Variants in FAM193A observed in about 807,000 individuals in gnomAD.
The protein encoded by FAM193A is protein FAM193A.
FAM193A carries 22 observed loss-of-function variants against 126.5 expected under a neutral mutation model. The observed-to-expected ratio is 0.17, with a 90% CI of 0.12 to 0.25. The LOEUF is 0.25. Among genes scored for constraint, FAM193A ranks in the 10% least tolerant of loss-of-function variants. The pLI is 1.00. For synonymous variants in FAM193A, 761 were observed against 646.8 expected (o/e 1.18, Z -2.68); for missense variants, 1,675 against 1,672.8 (o/e 1.00, Z -0.02).
chr4:2,696,192 T>C (rs1299109119), intron 17 of FAM193A, 171 bp from the exon 18 acceptor site: 1 of 560,548 alleles, frequency 1.8e-6, no homozygotes, highest in East Asian at 3.0e-5. Flanking sequence ...CACTTTTGGG[T>C]GACTTGCTGA....
chr4:2,709,362 C>A (rs1718663005), intron 19 of FAM193A, among the ~76,000 whole-genome samples: 2 of 151,956 alleles, frequency 1.3e-5, no homozygotes, highest in Admixed American at 1.3e-4. Flanking sequence ...CGTTTTTGTT[C>A]TGTCTGTATT....
chr4:2,656,872 C>G (rs1042004781), intron 7 of FAM193A, among the ~76,000 whole-genome samples: 2 of 152,132 alleles, frequency 1.3e-5, no homozygotes, highest in African/African-American at 4.8e-5. Context: ...AGTTTAAAAA[C>G]AATCTTCTGG....
chr4:2,642,970 C>A (rs754295517), intron 6 of FAM193A, among the ~76,000 whole-genome samples: 5 of 151,986 alleles, frequency 3.3e-5, no homozygotes, highest in South Asian at 2.1e-4. Context: ...TGCCCTAGTT[C>A]TGGATTTTCC....
At chr4:2,710,851 C>CTT (rs35045989) in intron 19 of FAM193A, among the ~76,000 whole-genome samples, 1,203 of 116,268 alleles carry the variant, frequency 0.01, 38 homozygotes, top group East Asian at 0.04. Context: ...TCTGTGCTTT[C>CTT]TTTTTTTTTT....
At chr4:2,665,960 A>T (rs1229192925) in intron 12 of FAM193A, among the ~76,000 whole-genome samples, 1 of 151,892 alleles carries the variant, frequency 6.6e-6, no homozygotes, top group Non-Finnish European at 1.5e-5. Context: ...CATTCTCCTG[A>T]CTCAGCCTCC....
At chr4:2,538,113 A>G (rs1737000082) in intron 1 of FAM193A, among the ~76,000 whole-genome samples, 1 of 152,152 alleles carries the variant, frequency 6.6e-6, no homozygotes, top group African/African-American at 2.4e-5. Flanking sequence ...AAACTCTTAA[A>G]TTATGTAGTT....
chr4:2,653,098 G>C (rs1266052083), intron 7 of FAM193A, among the ~76,000 whole-genome samples: 1 of 152,220 alleles, frequency 6.6e-6, no homozygotes, highest in Admixed American at 6.5e-5. Context: ...GGCAGATAAA[G>C]TTCTAGTTTC....
intron 13 of FAM193A, among the ~76,000 whole-genome samples, chr4:2,674,955 C>G (rs912554138): frequency 6.6e-6 from 1 of 151,934 alleles, no homozygotes; most frequent in Non-Finnish European, 1.5e-5. Flanking sequence ...TTTGAAAGTT[C>G]AAAGTATTGC....
At chr4:2,701,825 G>T (rs1191155209) in intron 19 of FAM193A, among the ~76,000 whole-genome samples, 1 of 149,502 alleles carries the variant, frequency 6.7e-6, no homozygotes, top group Non-Finnish European at 1.5e-5. Context: ...TGTCCAGGCT[G>T]GAGTGCAGTG....
At position 2,590,486 on chromosome 4, in the gene FAM193A, CAA is replaced by C. The variant is rs746750683; in HGVS notation, c.256-5590_256-5589del. Among the ~76,000 whole-genome samples, 97 of 38,006 alleles carry C rather than the reference CAA, an allele frequency of 2.6e-3. 22 individuals are homozygous for C. Among genetic ancestry groups the C allele is most frequent in the African/African-American group, 0.016 (93 of 5,906 alleles). The allele number at this position is 38,006 out of a possible 152,430, so 24.9% of individuals were successfully genotyped here. A position where few individuals can be genotyped will look rare whatever the true frequency, so the allele number is the denominator to read the frequency against. On this transcript the variant is annotated intron_variant, in intron 1 of 20. Coordinates refer to ENST00000637812, the MANE Select transcript of FAM193A (RefSeq NM_001366318.2). ...CTCAAAAAAAAAAAACAAAAAAAAA[CAA>C]AAAAAAACAAAAAAAAACAAAAAAA...
rs1160026686 is a variant in FAM193A at position 2,605,970 on chromosome 4, CAAAAAAAAAAAAAAA to C, written c.501+9655_501+9669del. Reference sequence around the variant, plus strand: ...TAGGCGACAGAGTGAGACTCTGTCTCAAAAAAAAAAAAAAAAAAAAAAAAAAAATGGTTTAGTAAG... The same window carrying C: ...TAGGCGACAGAGTGAGACTCTGTCTCAAAAAAAAAAAAATGGTTTAGTAAG... On this transcript the variant is annotated intron_variant, in intron 2 of 20. Coordinates refer to ENST00000637812, the MANE Select transcript of FAM193A (RefSeq NM_001366318.2). Among the ~76,000 whole-genome samples the C allele has an allele frequency of 1.8e-3, 56 of 31,900 alleles. 3 individuals are homozygous for C. In the East Asian group the frequency reaches 0.078, roughly 45 times the overall value. The allele number at this position is 31,900 out of a possible 152,430, so 20.9% of individuals were successfully genotyped here. A position where few individuals can be genotyped will look rare whatever the true frequency, so the allele number is the denominator to read the frequency against.
intron 13 of FAM193A, 52 bp downstream of exon 13, chr4:2,672,424 A>AGGAGTAC (rs1183484702): frequency 1.9e-6 from 3 of 1,592,840 alleles, no homozygotes; most frequent in Non-Finnish European, 2.6e-6. Flanking sequence ...GAGATCCTAC[A>AGGAGTAC]GGAGTACATA....
chr4:2,642,323 C>A (rs1162740653), intron 6 of FAM193A, among the ~76,000 whole-genome samples: 3 of 151,772 alleles, frequency 2.0e-5, no homozygotes, highest in Non-Finnish European at 4.4e-5. Context: ...ACAAAAAAAT[C>A]AGAACAAGGT....
intron 19 of FAM193A, among the ~76,000 whole-genome samples, chr4:2,712,104 G>GGCCC: frequency 6.6e-6 from 1 of 152,012 alleles, no homozygotes; most frequent in Non-Finnish European, 1.5e-5. Context: ...TACTTTCTGA[G>GGCCC]GCCCAGTGTA....
intron 7 of FAM193A, among the ~76,000 whole-genome samples, chr4:2,649,624 A>G (rs1300602503): frequency 6.6e-6 from 1 of 152,138 alleles, no homozygotes; most frequent in Non-Finnish European, 1.5e-5. Flanking sequence ...GTGAGCTATG[A>G]TCATGCCACC....
intron 13 of FAM193A, among the ~76,000 whole-genome samples, chr4:2,684,219 ACT>A (rs1212782842): frequency 1.3e-5 from 2 of 151,030 alleles, no homozygotes; most frequent in South Asian, 2.1e-4. Context: ...CATTCCTAAC[ACT>A]CTCTTGCATG....
intron 1 of FAM193A, among the ~76,000 whole-genome samples, chr4:2,545,897 C>G (rs1737515700): frequency 6.6e-6 from 1 of 152,098 alleles, no homozygotes; most frequent in Non-Finnish European, 1.5e-5. Context: ...CGCCTGTTAT[C>G]CCAGCACTTT....
intron 2 of FAM193A, among the ~76,000 whole-genome samples, chr4:2,599,875 A>G (rs533416222): frequency 2.0e-5 from 3 of 151,452 alleles, no homozygotes; most frequent in Non-Finnish European, 2.9e-5. Context: ...AGCTGGGACT[A>G]TAGGCATGCG....
chr4:2,568,973 C>CTT (rs753557878), intron 1 of FAM193A, among the ~76,000 whole-genome samples: 2,357 of 90,668 alleles, frequency 0.026, 152 homozygotes, highest in African/African-American at 0.074. Flanking sequence ...TGTTGTTTTG[C>CTT]TTTTTTTTTT....
Sources: allele counts gnomAD v4.1 joint callset (sites outside exome capture counted in the v4.1 genomes callset), GRCh38; gene constraint gnomAD v4.1.1; transcripts MANE v1.5; gene names NCBI Gene and HGNC (gene_info 2026-07-23, HGNC 2026-07-21).